The following KHDRBS2 variants were observed in gnomAD, a reference collection of about 807,000 sequenced individuals.
The protein encoded by KHDRBS2 is KH RNA binding domain containing, signal transduction associated 2, also known as KH domain-containing, RNA-binding, signal transduction-associated protein 2.
In KHDRBS2, 26 loss-of-function variants were observed where a neutral mutation model predicts 44.3. The observed-to-expected ratio is 0.59, with a 90% CI of 0.43 to 0.81. KHDRBS2 has a LOEUF of 0.81. Among genes scored for constraint, KHDRBS2 ranks in the 40% least tolerant of loss-of-function variants. The probability of loss-of-function intolerance (pLI) is 0.00; values close to 1 mark genes in which losing one functional copy is unlikely to be tolerated. For synonymous variants in KHDRBS2, 194 were observed against 151.1 expected (o/e 1.28, Z -2.08); for missense variants, 476 against 433.1 (o/e 1.10, Z -0.88).
the KHDRBS2 span, among the ~76,000 whole-genome samples, chr6:61,592,794 G>A: frequency 4.4e-3 from 669 of 152,158 alleles, 6 homozygotes; most frequent in African/African-American, 9.5e-3. Flanking sequence ...AGAGATTGGC[G>A]AAGAAAAACA....
the KHDRBS2 span, among the ~76,000 whole-genome samples, chr6:61,552,731 C>T: frequency 6.6e-6 from 1 of 152,012 alleles, no homozygotes; most frequent in African/African-American, 2.4e-5. Context: ...TTATCAAAAG[C>T]CTTTTCTGCA....
chr6:62,204,256 T>C (rs1311806193), intron 1 of KHDRBS2, among the ~76,000 whole-genome samples: 1 of 152,190 alleles, frequency 6.6e-6, no homozygotes, highest in East Asian at 1.9e-4. Flanking sequence ...GAGGATGAAG[T>C]GATATCAAAG....
intron 6 of KHDRBS2, among the ~76,000 whole-genome samples, chr6:61,740,573 A>T (rs60724647): frequency 0.028 from 4,297 of 152,014 alleles, 223 homozygotes; most frequent in African/African-American, 0.099. Flanking sequence ...ATTTTCTTGA[A>T]CATGTTATCA....
At chr6:61,817,742 A>G (rs917518751) in intron 6 of KHDRBS2, among the ~76,000 whole-genome samples, 2 of 151,890 alleles carry the variant, frequency 1.3e-5, no homozygotes, top group African/African-American at 4.8e-5. Context: ...ACCTTTACAT[A>G]GACTTACAAG....
chr6:61,886,634 A>G (rs1288351183), intron 6 of KHDRBS2, among the ~76,000 whole-genome samples: 1 of 152,170 alleles, frequency 6.6e-6, no homozygotes, highest in Non-Finnish European at 1.5e-5. Context: ...GGTTCAATTC[A>G]AAGCACTTTA....
chr6:61,973,063 G>A (rs1351213775), intron 4 of KHDRBS2, among the ~76,000 whole-genome samples: 1 of 152,102 alleles, frequency 6.6e-6, no homozygotes, highest in Non-Finnish European at 1.5e-5. Flanking sequence ...GAACCTGGGA[G>A]GAGAAGGTTG....
chr6:62,077,777 A>G (rs953508459), intron 2 of KHDRBS2, among the ~76,000 whole-genome samples: 2 of 152,076 alleles, frequency 1.3e-5, no homozygotes, highest in African/African-American at 4.8e-5. Flanking sequence ...CTGGACACAT[A>G]GTAGTTACTC....
chr6:62,001,979 T>A (rs1778321457), intron 3 of KHDRBS2, among the ~76,000 whole-genome samples: 1 of 152,124 alleles, frequency 6.6e-6, no homozygotes, highest in South Asian at 2.1e-4. Context: ...AAAGGGAAAA[T>A]TAAATTTTAG....
At chr6:61,956,262 A>G (rs1183165718) in intron 4 of KHDRBS2, among the ~76,000 whole-genome samples, 4 of 152,072 alleles carry the variant, frequency 2.6e-5, no homozygotes, top group Non-Finnish European at 4.4e-5. Context: ...ATATGTAATT[A>G]TTTTCCAGCA....
At chr6:61,769,066 A>C (rs1351232348) in intron 6 of KHDRBS2, among the ~76,000 whole-genome samples, 1 of 152,212 alleles carries the variant, frequency 6.6e-6, no homozygotes, top group African/African-American at 2.4e-5. Flanking sequence ...TAAAATGCTC[A>C]GATAAAGAGA....
At chr6:61,623,623 A>G in the KHDRBS2 span, among the ~76,000 whole-genome samples, 4 of 152,332 alleles carry the variant, frequency 2.6e-5, no homozygotes, top group South Asian at 8.3e-4. Flanking sequence ...GAAATAATAC[A>G]TCATTGATTA....
chr6:62,171,688 G>T (rs1585050860), intron 2 of KHDRBS2, among the ~76,000 whole-genome samples: 1 of 152,052 alleles, frequency 6.6e-6, no homozygotes, highest in Non-Finnish European at 1.5e-5. Context: ...GAAGGGGCAG[G>T]CCACCTACAA....
chr6:62,104,834 G>T (rs920925411), intron 2 of KHDRBS2, among the ~76,000 whole-genome samples: 5 of 151,844 alleles, frequency 3.3e-5, no homozygotes, highest in African/African-American at 1.2e-4. Context: ...GATAATAATA[G>T]AGTAAAATTA....
intron 6 of KHDRBS2, among the ~76,000 whole-genome samples, chr6:61,781,597 A>G (rs879776448): frequency 6.6e-6 from 1 of 152,132 alleles, no homozygotes; most frequent in African/African-American, 2.4e-5. Context: ...TATTTCATTT[A>G]TGTATTTTAT....
intron 1 of KHDRBS2, among the ~76,000 whole-genome samples, chr6:62,191,768 T>C (rs1424872090): frequency 6.6e-6 from 1 of 152,136 alleles, no homozygotes; most frequent in East Asian, 1.9e-4. Context: ...TACATTTATT[T>C]CCACAAAACA....
At chr6:62,251,634 T>C (rs1251077360) in intron 1 of KHDRBS2, among the ~76,000 whole-genome samples, 2 of 151,930 alleles carry the variant, frequency 1.3e-5, no homozygotes, top group Non-Finnish European at 2.9e-5. Context: ...GGAATTTCAA[T>C]AAATAATTGA....
intron 2 of KHDRBS2, among the ~76,000 whole-genome samples, chr6:62,173,883 G>A (rs1820569939): frequency 6.6e-6 from 1 of 151,702 alleles, no homozygotes; most frequent in Non-Finnish European, 1.5e-5. Flanking sequence ...TAAAAACCCT[G>A]AACAGACTAA....
chr6:62,141,403 A>G (rs1317246595), intron 2 of KHDRBS2, among the ~76,000 whole-genome samples: 1 of 152,174 alleles, frequency 6.6e-6, no homozygotes, highest in Non-Finnish European at 1.5e-5. Flanking sequence ...TTGGCAAAAT[A>G]TAAATCATTT....
chr6:61,735,519 G>A lies in KHDRBS2; in HGVS notation c.811-2755C>T, dbSNP rs1005302233. ...TTTTCAAAAATCAGAACCCAATAAA[G>A]AATTTTGAATTGCATTTGATGATTA... On this transcript the variant is annotated intron_variant, in intron 6 of 8. Transcript: ENST00000281156. 5.5e-4 allele frequency among the ~76,000 whole-genome samples: 83 copies of A among 152,042 alleles called. 1 individual carries two copies. Among genetic ancestry groups the A allele is most frequent in the Non-Finnish European group, 8.1e-4 (55 of 67,980 alleles).
Sources: gnomAD v4.1 joint callset for allele counts (sites outside exome capture counted in the v4.1 genomes callset) on GRCh38, gnomAD v4.1.1 for gene constraint, MANE v1.5 for transcripts, NCBI Gene and HGNC (gene_info 2026-07-23, HGNC 2026-07-21) for gene names.